Variants in TTC7B observed in about 807,000 individuals in gnomAD.
TTC7B encodes the protein tetratricopeptide repeat protein 7B.
In TTC7B, 28 loss-of-function variants were observed where a neutral mutation model predicts 106.8. The ratio of observed to expected loss-of-function variants is 0.26; its 90% CI spans 0.19 to 0.36. The LOEUF (loss-of-function observed/expected upper bound fraction) is 0.36, where lower values mean the gene tolerates loss of function less well. Ranked by LOEUF, TTC7B falls within the 10% of genes least tolerant of loss-of-function variation. The pLI is 1.00. For synonymous variants in TTC7B, 405 were observed against 430.6 expected, an observed-to-expected ratio of 0.94 and a Z score of 0.74; for missense variants, 862 against 1,076.4, an observed-to-expected ratio of 0.80 and a Z score of 2.79.
chr14:90,681,819 G>A (rs1185634015), intron 7 of TTC7B, among the ~76,000 whole-genome samples: 1 of 152,224 alleles, frequency 6.6e-6, no homozygotes, highest in Non-Finnish European at 1.5e-5. Context: ...CTGGAATAGA[G>A]CCTAAAGGCT....
At chr14:90,621,244 T>C (rs1884161890) in intron 15 of TTC7B, among the ~76,000 whole-genome samples, 1 of 114,580 alleles carries the variant, frequency 8.7e-6, no homozygotes, top group East Asian at 2.6e-4. Flanking sequence ...GTAGGCCACG[T>C]GGGTATAGCC....
At chr14:90,689,383 A>T (rs1427608796) in intron 7 of TTC7B, among the ~76,000 whole-genome samples, 157 bp downstream of exon 7, 3 of 152,210 alleles carry the variant, frequency 2.0e-5, no homozygotes, top group African/African-American at 7.2e-5. Context: ...AAGTTACGAA[A>T]AGTAATGAGG....
chr14:90,580,196 GCCTGGCACA>G lies in TTC7B; in HGVS notation c.2108-1897_2108-1889del, dbSNP rs146068963. The stretch of plus-strand genomic sequence containing the variant: ...CTGCGTCCCCAGGGACTAGAACAGT[GCCTGGCACA>G]TAGTCAGAGCTCACTGAATCGCTGA... On this transcript the variant is annotated intron_variant, in intron 18 of 19. Coordinates refer to ENST00000328459, the MANE Select transcript of TTC7B (RefSeq NM_001010854.2). 5.7e-3 allele frequency among the ~76,000 whole-genome samples: 871 copies of G among 152,362 alleles called. 7 individuals carry two copies. The highest frequency in any genetic ancestry group is 0.02 in the African/African-American group (840 of 41,576).
chr14:90,572,907 G>GC (rs1891089173), intron 19 of TTC7B, among the ~76,000 whole-genome samples: 1 of 152,058 alleles, frequency 6.6e-6, no homozygotes, highest in South Asian at 2.1e-4. Flanking sequence ...GAGGCACATG[G>GC]CCCCCAGCGT....
At position 90,529,462 on chromosome 14, in the gene TTC7B, A is replaced by T. The variant is rs1889229750; in HGVS notation, c.*11906T>A. On this transcript the variant is annotated 3_prime_UTR_variant, in exon 20 of 20. Coordinates refer to ENST00000328459, the MANE Select transcript of TTC7B (RefSeq NM_001010854.2). Reference sequence around the variant, plus strand: ...AGCCCTCAATAAATATAGCCTGATGAACTGCCATTCTGCCTATCCGAATTC... The same window carrying T: ...AGCCCTCAATAAATATAGCCTGATGTACTGCCATTCTGCCTATCCGAATTC... 1 of 152,234 alleles carries T rather than the reference A, an allele frequency of 6.6e-6. No individual in the cohort carries two copies. Among genetic ancestry groups the T allele is most frequent in the Non-Finnish European group, 1.5e-5 (1 of 68,064 alleles). The allele number at this position is 152,234 out of a possible 1,614,324, so 9.4% of individuals were successfully genotyped here. A position where few individuals can be genotyped will look rare whatever the true frequency, so the allele number is the denominator to read the frequency against.
At chr14:90,785,794 T>A (rs943799895) in intron 2 of TTC7B, among the ~76,000 whole-genome samples, 1 of 152,176 alleles carries the variant, frequency 6.6e-6, no homozygotes, top group Non-Finnish European at 1.5e-5. Flanking sequence ...GCTTCTTACA[T>A]TGATGAGCAG....
At position 90,713,514 on chromosome 14, in the gene TTC7B, C is replaced by G. The variant is rs556498754; in HGVS notation, c.698+16561G>C. On this transcript the variant is annotated intron_variant, in intron 5 of 19. Coordinates refer to ENST00000328459, the MANE Select transcript of TTC7B (RefSeq NM_001010854.2). ...CAATGGGATACTACTGATACTACTACAAACTTACTAGAATGGCTCTAATTC... is the reference window on the plus strand; with the variant it reads ...CAATGGGATACTACTGATACTACTAGAAACTTACTAGAATGGCTCTAATTC... 2.0e-5 allele frequency among the ~76,000 whole-genome samples: 3 copies of G among 152,296 alleles called. No homozygotes were observed. The South Asian group carries it at 6.2e-4, about 32-fold the overall frequency.
intron 3 of TTC7B, among the ~76,000 whole-genome samples, chr14:90,756,695 G>A (rs936897716): frequency 7.9e-5 from 12 of 151,986 alleles, no homozygotes; most frequent in African/African-American, 2.7e-4. Flanking sequence ...GCGCCTGGCC[G>A]AGAAATGTTT....
intron 3 of TTC7B, chr14:90,766,485 G>C (rs1360863380): frequency 1.5e-6 from 1 of 663,488 alleles, no homozygotes; most frequent in East Asian, 2.5e-5. Context: ...AAGCCAATAA[G>C]AAATTCTGGA....
At chr14:90,561,172 C>T (rs948873479) in intron 19 of TTC7B, among the ~76,000 whole-genome samples, 8 of 152,162 alleles carry the variant, frequency 5.3e-5, no homozygotes, top group African/African-American at 1.7e-4. Flanking sequence ...GGGCATGCTC[C>T]GCTCCTCTGT....
chr14:90,585,985 G>A lies in TTC7B; in HGVS notation c.2107+7501C>T, dbSNP rs188295702. ...ACCGGCCACATCCTCCTTAAAAATC[G>A]TTATTTTAGTAGTTGTTATGTGTTT... On this transcript the variant is annotated intron_variant, in intron 18 of 19. Coordinates refer to ENST00000328459, the MANE Select transcript of TTC7B (RefSeq NM_001010854.2). 1.6e-3 allele frequency among the ~76,000 whole-genome samples: 237 copies of A among 152,272 alleles called. 3 individuals carry two copies. The highest frequency in any genetic ancestry group is 5.2e-3 in the African/African-American group (217 of 41,564).
chr14:90,688,697 A>C (rs1887348586), intron 7 of TTC7B, among the ~76,000 whole-genome samples: 1 of 151,078 alleles, frequency 6.6e-6, no homozygotes, highest in Non-Finnish European at 1.5e-5. Context: ...AATCTCAGCT[A>C]CTTGGGAGGC....
chr14:90,795,007 C>T (rs1484171114), intron 1 of TTC7B, among the ~76,000 whole-genome samples: 6 of 152,074 alleles, frequency 3.9e-5, no homozygotes, highest in Non-Finnish European at 1.5e-5. Context: ...ATCACCTAAC[C>T]AGCATTTATT....
chr14:90,597,823 T>G (rs1892270348), intron 17 of TTC7B, among the ~76,000 whole-genome samples: 1 of 152,216 alleles, frequency 6.6e-6, no homozygotes, highest in Admixed American at 6.5e-5. Flanking sequence ...AACCCCTTTC[T>G]TTCTCACCAC....
intron 19 of TTC7B, among the ~76,000 whole-genome samples, chr14:90,545,340 T>C (rs149939532): frequency 3.3e-5 from 5 of 152,366 alleles, no homozygotes; most frequent in Admixed American, 3.3e-4. Flanking sequence ...GTGTCTTCCC[T>C]TTCATTTCTC....
At chr14:90,580,059 C>T (rs931171637) in intron 18 of TTC7B, among the ~76,000 whole-genome samples, 12 of 152,092 alleles carry the variant, frequency 7.9e-5, no homozygotes, top group Non-Finnish European at 1.0e-4. Context: ...GTGGCTTCCG[C>T]GCCTGCCCAA....
intron 19 of TTC7B, among the ~76,000 whole-genome samples, chr14:90,572,310 G>A (rs377440183): frequency 2.7e-5 from 4 of 147,394 alleles, no homozygotes; most frequent in South Asian, 4.1e-4. Flanking sequence ...GAGTGGTGTC[G>A]TTAGTCAGCA....
At chr14:90,731,464 C>G (rs957822981) in intron 4 of TTC7B, among the ~76,000 whole-genome samples, 1 of 152,180 alleles carries the variant, frequency 6.6e-6, no homozygotes, top group Non-Finnish European at 1.5e-5. Flanking sequence ...TATTAGTTCC[C>G]TAACCCACAA....
intron 2 of TTC7B, among the ~76,000 whole-genome samples, chr14:90,782,475 T>C (rs182078968): frequency 1.1e-3 from 169 of 152,244 alleles, no homozygotes; most frequent in Non-Finnish European, 2.0e-3. Context: ...GGTGCACACC[T>C]GTAATCCCAG....
Sources: gnomAD v4.1 joint callset for allele counts (sites outside exome capture counted in the v4.1 genomes callset) on GRCh38, gnomAD v4.1.1 for gene constraint, MANE v1.5 for transcripts, NCBI Gene and HGNC (gene_info 2026-07-23, HGNC 2026-07-21) for gene names.